Variants in PCDHA7 observed in about 807,000 individuals in gnomAD.
PCDHA7 encodes the protein protocadherin alpha-7.
PCDHA7 carries 37 observed loss-of-function variants against 57.2 expected under a neutral mutation model. The ratio of observed to expected loss-of-function variants is 0.65; its 90% CI spans 0.50 to 0.85. PCDHA7 has a LOEUF of 0.85. Ranked by LOEUF, PCDHA7 falls within the 40% of genes least tolerant of loss-of-function variation. The pLI, the probability that PCDHA7 is intolerant of heterozygous loss-of-function variation, is 0.00. For missense variants in PCDHA7, 1,188 were observed against 1,241.8 expected (o/e 0.96, Z 0.65); for synonymous variants, 553 against 558.8 (o/e 0.99, Z 0.15).
Position 140,927,871 on chromosome 5 carries a change from C to T in PCDHA7, c.2356-51078C>T, listed in dbSNP as rs376396178. The T allele has an allele frequency of 5.6e-6, 9 of 1,614,048 alleles. No individual in the cohort carries two copies. In the African/African-American group the frequency reaches 1.2e-4, roughly 22 times the overall value. ...TGGTTTAGCTAGCACCGCTAAACTG[C>T]TGGTGGAGGTGACTGACGTGAACGA... On this transcript the variant is annotated intron_variant, in intron 1 of 3. Coordinates refer to ENST00000525929, the MANE Select transcript of PCDHA7 (RefSeq NM_018910.3).
At chr5:140,875,859 C>G (rs1381473536) in intron 1 of PCDHA7, 1 of 1,614,038 alleles carries the variant, frequency 6.2e-7, no homozygotes, top group Non-Finnish European at 8.5e-7. Flanking sequence ...TTAACGACAA[C>G]CCGCCGGTGT....
At chr5:140,856,963 T>C (rs1249230816) in intron 1 of PCDHA7, 1 of 1,590,702 alleles carries the variant, frequency 6.3e-7, no homozygotes, top group African/African-American at 1.3e-5. Context: ...AAGTAAATGA[T>C]GCTATTGACT....
chr5:140,915,876 G>A (rs1373834228), intron 1 of PCDHA7, among the ~76,000 whole-genome samples: 1 of 152,136 alleles, frequency 6.6e-6, no homozygotes, highest in East Asian at 1.9e-4. Context: ...CTTCCCTTTA[G>A]GGTAGCAAGT....
chr5:140,912,878 T>C (rs2076104558), intron 1 of PCDHA7, among the ~76,000 whole-genome samples: 1 of 152,236 alleles, frequency 6.6e-6, no homozygotes, highest in Non-Finnish European at 1.5e-5. Flanking sequence ...GTTTTTGGTC[T>C]TCATTCTGTT....
At chr5:140,875,878 A>T in intron 1 of PCDHA7, 1 of 1,614,212 alleles carries the variant, frequency 6.2e-7, no homozygotes, top group Non-Finnish European at 8.5e-7. Flanking sequence ...GTTCAGAGAA[A>T]GGGAACAAAA....
intron 1 of PCDHA7, among the ~76,000 whole-genome samples, chr5:140,888,814 T>C (rs1052564071): frequency 6.6e-6 from 1 of 152,126 alleles, no homozygotes; most frequent in Non-Finnish European, 1.5e-5. Context: ...TGATCTGTGA[T>C]CTGTGATCAC....
chr5:140,903,587 G>A (rs62384486), intron 1 of PCDHA7, among the ~76,000 whole-genome samples: 1 of 152,156 alleles, frequency 6.6e-6, no homozygotes, highest in African/African-American at 2.4e-5. Context: ...GCTGGTGTTG[G>A]CCTGATAAAT....
At chr5:140,870,069 A>G (rs376226695) in intron 1 of PCDHA7, 43 of 1,613,780 alleles carry the variant, frequency 2.7e-5, no homozygotes, top group Non-Finnish European at 3.4e-5. Flanking sequence ...TACAGGCTAC[A>G]GATAAGGGGA....
intron 3 of PCDHA7, among the ~76,000 whole-genome samples, chr5:141,008,262 G>T (rs1178355094): frequency 6.6e-6 from 1 of 152,198 alleles, no homozygotes; most frequent in Non-Finnish European, 1.5e-5. Flanking sequence ...AGGAGACTGA[G>T]AAGTAATAGG....
chr5:140,881,456 T>C, intron 1 of PCDHA7: 1 of 690,256 alleles, frequency 1.4e-6, no homozygotes, highest in Non-Finnish European at 1.8e-6. Context: ...TCCAAAACCT[T>C]AGAGCATTGT....
chr5:140,855,802 G>C (rs1329894390), intron 1 of PCDHA7: 4 of 477,838 alleles, frequency 8.4e-6, no homozygotes, highest in Non-Finnish European at 1.5e-5. Context: ...ACATATGAAT[G>C]AAAGAAAAGT....
In PCDHA7 at chr5:140,835,236, G is replaced by A. The variant is rs1307272356; in HGVS notation, c.853G>A (p.Val285Ile). The A allele has an allele frequency of 6.9e-6, 11 of 1,599,722 alleles. 1 individual carries two copies. The highest frequency in any genetic ancestry group is 9.4e-6 in the Non-Finnish European group (11 of 1,173,316). Residue 285 changes from valine (V) to isoleucine (I), a missense_variant, in exon 1 of 4, where the codon GTT becomes ATT. By Grantham distance (29) the Val-to-Ile change is conservative (BLOSUM62 3). This residue lies in a region of PCDHA7 where 102 missense variants were observed against 267.4 expected (regional missense o/e 0.38). Coordinates refer to ENST00000525929, the MANE Select transcript of PCDHA7 (RefSeq NM_018910.3). The stretch of plus-strand genomic sequence containing the variant: ...TATTATTTACTCCTTCTCCAGTGAT[G>A]TTTCTCCAGATATAAAATCCAAGTT... ...GDIIYSFSSD[V>I]SPDIKSKFHM... is the part of the protein sequence containing the mutation.
chr5:140,841,326 A>G (rs2150313603), intron 1 of PCDHA7: 2 of 1,607,682 alleles, frequency 1.2e-6, no homozygotes, highest in South Asian at 2.2e-5. Flanking sequence ...TTTAACATGG[A>G]TTATCACTGG....
At chr5:141,005,321 A>C (rs1455149994) in intron 3 of PCDHA7, among the ~76,000 whole-genome samples, 1 of 152,182 alleles carries the variant, frequency 6.6e-6, no homozygotes, top group Admixed American at 6.5e-5. Context: ...AGTGGTAGAG[A>C]ATAATAGGCC....
Position 140,956,487 on chromosome 5 carries a change from C to G in PCDHA7, c.2356-22462C>G, listed in dbSNP as rs2095287981. The stretch of plus-strand genomic sequence containing the variant: ...GCATATGTTGAACCAGTCTTGCATC[C>G]CAGGGATGAAGCCTACTTGATCATG... On this transcript the variant is annotated intron_variant, in intron 1 of 3. Transcript: ENST00000525929. Among the ~76,000 whole-genome samples, 2 of 152,032 alleles carry G rather than the reference C, an allele frequency of 1.3e-5. 1 individual carries two copies. Among genetic ancestry groups the G allele is most frequent in the Admixed American group, 1.3e-4 (2 of 15,252 alleles).
At chr5:141,005,303 A>T (rs2098205194) in intron 3 of PCDHA7, among the ~76,000 whole-genome samples, 2 of 152,212 alleles carry the variant, frequency 1.3e-5, no homozygotes, top group Non-Finnish European at 2.9e-5. Context: ...TGCCTTTGTG[A>T]ATCTTACAGT....
chr5:140,886,327 A>G (rs2060943233), intron 1 of PCDHA7, among the ~76,000 whole-genome samples: 1 of 152,162 alleles, frequency 6.6e-6, no homozygotes, highest in Admixed American at 6.5e-5. Flanking sequence ...GTTCTGGGAT[A>G]CATGTGCAGA....
chr5:140,866,951 G>A (rs1207354253), intron 1 of PCDHA7: 1 of 152,106 alleles, frequency 6.6e-6, no homozygotes, highest in African/African-American at 2.4e-5. Context: ...CTAGGGGCTG[G>A]TTGAGATGGT....
chr5:140,917,491 C>G (rs2078223929), intron 1 of PCDHA7, among the ~76,000 whole-genome samples: 1 of 152,172 alleles, frequency 6.6e-6, no homozygotes, highest in Non-Finnish European at 1.5e-5. Flanking sequence ...GGGCCTATGC[C>G]CAGAATGATA....
Sources: gnomAD v4.1 joint callset for allele counts (sites outside exome capture counted in the v4.1 genomes callset) on GRCh38, gnomAD v4.1.1 for gene constraint, gnomAD v4.1.1 regional missense constraint, MANE v1.5 for transcripts, NCBI Gene and HGNC (gene_info 2026-07-23, HGNC 2026-07-21) for gene names.